The following SNTG1 variants were observed in gnomAD, a reference collection of about 807,000 sequenced individuals.
SNTG1 encodes the protein syntrophin gamma 1.
A neutral mutation model predicts 74.7 loss-of-function variants in SNTG1; 39 were observed. The observed-to-expected ratio is 0.52, with a 90% CI of 0.40 to 0.68. The LOEUF is 0.68. Among genes scored for constraint, SNTG1 ranks in the 30% least tolerant of loss-of-function variants. The pLI is 0.00. For missense variants in SNTG1, 685 were observed against 609.5 expected (o/e 1.12, Z -1.30); for synonymous variants, 254 against 217.1 (o/e 1.17, Z -1.49).
chr8:50,112,431 A>C (rs2080628248), intron 1 of SNTG1, among the ~76,000 whole-genome samples: 2 of 152,040 alleles, frequency 1.3e-5, no homozygotes, highest in African/African-American at 4.8e-5. Flanking sequence ...ATGCAGGTGT[A>C]AAAACCTTAA....
intron 10 of SNTG1, among the ~76,000 whole-genome samples, chr8:50,534,218 G>C (rs556810746): frequency 6.6e-6 from 1 of 152,208 alleles, no homozygotes; most frequent in African/African-American, 2.4e-5. Flanking sequence ...GAATCCTGGG[G>C]GTGCCCTTTG....
chr8:50,224,094 T>C lies in SNTG1; in HGVS notation c.-28+51459T>C, dbSNP rs1461088314. On this transcript the variant is annotated intron_variant, in intron 2 of 18. Coordinates refer to ENST00000642720, the MANE Select transcript of SNTG1 (RefSeq NM_018967.5). ...TAAAATGCCTAAATATTATATAATA[T>C]GCATAATAATGAATAATGTAAGACA... 4.6e-5 allele frequency among the ~76,000 whole-genome samples: 7 copies of C among 152,200 alleles called. No individual in the cohort carries two copies. The East Asian group carries it at 5.8e-4, about 13-fold the overall frequency.
At position 50,102,174 on chromosome 8, in the gene SNTG1, A is replaced by G. The variant is rs1256196065; in HGVS notation, c.-102-70387A>G. ...GGTTGAACTAGTTTACAGTCCCACC[A>G]ACAGTGTAAAAGTGTTCCTATTTCT... On this transcript the variant is annotated intron_variant, in intron 1 of 18. Transcript: ENST00000642720. Among the ~76,000 whole-genome samples the G allele has an allele frequency of 8.4e-3, 1,235 of 147,028 alleles. 22 individuals are homozygous for G. The highest frequency in any genetic ancestry group is 0.029 in the African/African-American group (1,150 of 40,146).
chr8:49,945,731 C>G (rs559035730), intron 1 of SNTG1, among the ~76,000 whole-genome samples: 1 of 152,270 alleles, frequency 6.6e-6, no homozygotes, highest in East Asian at 1.9e-4. Context: ...CCTCAGCACA[C>G]AGGCACTGAA....
chr8:50,317,610 C>G (rs1352704970), intron 2 of SNTG1, among the ~76,000 whole-genome samples: 1 of 152,098 alleles, frequency 6.6e-6, no homozygotes, highest in East Asian at 1.9e-4. Flanking sequence ...TAGAGCAATG[C>G]AAGTGGGAAG....
At chr8:50,276,397 A>G (rs2088110386) in intron 2 of SNTG1, among the ~76,000 whole-genome samples, 2 of 87,614 alleles carry the variant, frequency 2.3e-5, no homozygotes, top group Non-Finnish European at 5.7e-5. Flanking sequence ...ATATATATAT[A>G]TATATATATA....
intron 12 of SNTG1, among the ~76,000 whole-genome samples, chr8:50,588,323 T>A (rs936168698): frequency 1.3e-5 from 2 of 152,148 alleles, no homozygotes; most frequent in African/African-American, 4.8e-5. Context: ...AATTATTTTG[T>A]ATCTACAACA....
chr8:50,695,684 C>A (rs915060356), intron 15 of SNTG1, among the ~76,000 whole-genome samples: 3 of 151,696 alleles, frequency 2.0e-5, no homozygotes, highest in Admixed American at 6.6e-5. Flanking sequence ...CCAGGCTTAC[C>A]CATTGTTTAC....
chr8:50,593,995 G>A (rs1456801550), intron 13 of SNTG1, among the ~76,000 whole-genome samples: 2 of 152,180 alleles, frequency 1.3e-5, no homozygotes, highest in African/African-American at 2.4e-5. Context: ...TGGGATTACA[G>A]GCATGAGCCA....
rs1161724778 is a variant in SNTG1, at chr8:50,517,616, CAAAA to C, written c.467-12542_467-12539del. Among the ~76,000 whole-genome samples, 137 of 62,354 alleles carry C rather than the reference CAAAA, an allele frequency of 2.2e-3. 1 individual carries two copies. The highest frequency in any genetic ancestry group is 5.2e-3 in the African/African-American group (101 of 19,270). 40.9% of individuals were successfully genotyped at this position (62,354 alleles called of 152,430 possible). Reference sequence around the variant, plus strand: ...GAATATTTACCAAGCAAATGGAAAGCAAAAAAAAAAAAAAAAAAAAAATAGCAGG... The same window carrying C: ...GAATATTTACCAAGCAAATGGAAAGCAAAAAAAAAAAAAAAAAATAGCAGG... On this transcript the variant is annotated intron_variant, in intron 9 of 18. Transcript: ENST00000642720.
chr8:50,634,091 G>T (rs1218656306), intron 13 of SNTG1, among the ~76,000 whole-genome samples: 1 of 152,178 alleles, frequency 6.6e-6, no homozygotes, highest in Non-Finnish European at 1.5e-5. Context: ...CAGCTGTCCA[G>T]CCTCAGCACC....
Position 50,418,377 on chromosome 8 carries a change from C to G in SNTG1, c.162+16033C>G, listed in dbSNP as rs528713826. Among the ~76,000 whole-genome samples, 4 of 152,246 alleles carry G rather than the reference C, an allele frequency of 2.6e-5. No individual in the cohort carries two copies. In the East Asian group the frequency reaches 7.7e-4, roughly 29 times the overall value. On this transcript the variant is annotated intron_variant, in intron 4 of 18. Coordinates refer to ENST00000642720, the MANE Select transcript of SNTG1 (RefSeq NM_018967.5). Reference sequence around the variant, plus strand: ...CCCTGCATTCCTCTTTTCCTCCAATCTCTAAGCAACTTAGAGATCTCTAAG... The same window carrying G: ...CCCTGCATTCCTCTTTTCCTCCAATGTCTAAGCAACTTAGAGATCTCTAAG...
intron 1 of SNTG1, among the ~76,000 whole-genome samples, chr8:49,994,242 T>A (rs1813968146): frequency 6.9e-6 from 1 of 144,708 alleles, no homozygotes; most frequent in African/African-American, 2.5e-5. Flanking sequence ...TTCAAGATTA[T>A]TATTTTTATT....
intron 1 of SNTG1, among the ~76,000 whole-genome samples, chr8:50,096,581 A>G (rs1256845873): frequency 1.3e-5 from 2 of 152,202 alleles, no homozygotes; most frequent in Non-Finnish European, 2.9e-5. Flanking sequence ...GGGGCAGTTT[A>G]TATATTTCTC....
At chr8:50,506,467 A>C (rs2094007465) in intron 9 of SNTG1, among the ~76,000 whole-genome samples, 1 of 152,056 alleles carries the variant, frequency 6.6e-6, no homozygotes, top group East Asian at 1.9e-4. Flanking sequence ...TAATTCTTCC[A>C]GTGTATCAGC....
At chr8:50,115,295 C>T (rs892016701) in intron 1 of SNTG1, among the ~76,000 whole-genome samples, 3 of 151,626 alleles carry the variant, frequency 2.0e-5, no homozygotes, top group African/African-American at 7.3e-5. Context: ...GGCCGGGTGC[C>T]ATGGCTCATG....
intron 17 of SNTG1, 192 bp downstream of exon 17, chr8:50,709,170 G>T: frequency 1.8e-6 from 1 of 560,672 alleles, no homozygotes; most frequent in Non-Finnish European, 3.2e-6. Flanking sequence ...AACATATGTA[G>T]TACCACAAAA....
At chr8:50,132,589 A>T (rs2081351408) in intron 1 of SNTG1, among the ~76,000 whole-genome samples, 1 of 152,218 alleles carries the variant, frequency 6.6e-6, no homozygotes, top group Non-Finnish European at 1.5e-5. Context: ...TTCAAGGACT[A>T]CTAATAATTC....
intron 1 of SNTG1, among the ~76,000 whole-genome samples, chr8:50,040,160 G>A (rs2130810379): frequency 6.6e-6 from 1 of 152,284 alleles, no homozygotes; most frequent in African/African-American, 2.4e-5. Flanking sequence ...CACCTGTGCT[G>A]CTCTGGCGGT....
Sources: gnomAD v4.1 joint callset for allele counts (sites outside exome capture counted in the v4.1 genomes callset) on GRCh38, gnomAD v4.1.1 for gene constraint, MANE v1.5 for transcripts, NCBI Gene and HGNC (gene_info 2026-07-23, HGNC 2026-07-21) for gene names.